Variants in SCML2 observed in about 807,000 individuals in gnomAD.
SCML2 encodes Scm polycomb group protein like 2.
In SCML2, 6 loss-of-function variants were observed where a neutral mutation model predicts 48.4. The observed-to-expected ratio is 0.12, with a 90% confidence interval of 0.07 to 0.24. The LOEUF (loss-of-function observed/expected upper bound fraction) is 0.24, where lower values mean the gene tolerates loss of function less well. Among genes scored for constraint, SCML2 ranks in the 10% least tolerant of loss-of-function variants. The probability of loss-of-function intolerance (pLI) is 1.00; values close to 1 mark genes in which losing one functional copy is unlikely to be tolerated. For synonymous variants in SCML2, 181 were observed against 189.5 expected (o/e 0.95, Z 0.37); for missense variants, 377 against 528.2 (o/e 0.71, Z 2.81).
At chrX:18,307,733 T>G (rs1944211503) in intron 6 of SCML2, among the ~76,000 whole-genome samples, 1 of 110,970 alleles carries the variant, frequency 9.0e-6, no homozygotes, top group Non-Finnish European at 1.9e-5. Context: ...CCCAGCACTT[T>G]GGAATGCCGA....
At chrX:18,299,118 T>C (rs1191671243) in intron 7 of SCML2, among the ~76,000 whole-genome samples, 1 of 111,671 alleles carries the variant, frequency 9.0e-6, no homozygotes, top group Non-Finnish European at 1.9e-5. Flanking sequence ...AACCCTTGAA[T>C]AGGAGAAAAT....
At chrX:18,243,142 T>C (rs1179659602) in intron 13 of SCML2, among the ~76,000 whole-genome samples, 1 of 111,697 alleles carries the variant, frequency 9.0e-6, no homozygotes, top group Non-Finnish European at 1.9e-5. Context: ...GGCACAATCA[T>C]GGCTCACTGC....
chrX:18,273,305 T>C (rs1453532398), intron 7 of SCML2, among the ~76,000 whole-genome samples: 1 of 111,323 alleles, frequency 9.0e-6, no homozygotes, highest in East Asian at 2.8e-4. Context: ...CTCAAGTGCA[T>C]GCATACTTGT....
rs747330113 is a variant in SCML2, at chrX:18,241,397, T to G, written c.1975-18A>C. On this transcript the variant is annotated intron_variant, in intron 14 of 14. Coordinates refer to ENST00000251900, the MANE Select transcript of SCML2 (RefSeq NM_006089.3). ...TCAATTTCCTACAGAGAGAAGGAAA[T>G]CATAATCATTAATAATGCTTTCATA... 9 of 1,107,258 alleles carry G rather than the reference T, an allele frequency of 8.1e-6. No individual in the cohort carries two copies. The highest frequency in any genetic ancestry group is 2.9e-5 in the Admixed American group (1 of 34,507). The allele number at this position is 1,107,258 out of a possible 1,213,427, so 91.3% of individuals were successfully genotyped here. A position where few individuals can be genotyped will look rare whatever the true frequency, so the allele number is the denominator to read the frequency against.
Position 18,246,743 on chromosome X carries a change from T to C in SCML2, c.1656A>G (p.Gly552=). 1.7e-6 allele frequency: 2 copies of C among 1,207,459 alleles called. No individual in the cohort carries two copies. The highest frequency in any genetic ancestry group is 2.2e-6 in the Non-Finnish European group (2 of 891,846). Residue 552 remains glycine (G), a synonymous_variant, in exon 13 of 15, where the codon GGA becomes GGG. Coordinates refer to ENST00000251900, the MANE Select transcript of SCML2 (RefSeq NM_006089.3). ...TTCTACAGGCAGGATTCAAATAATT[T>C]CCTGAATTTAGTGATGAGCTCTTAG... The part of the protein sequence containing the change: ...EDSKSSSLNS[G]NYLNPACRNP...
intron 2 of SCML2, among the ~76,000 whole-genome samples, chrX:18,332,065 C>T (rs1416306218): frequency 9.0e-6 from 1 of 111,727 alleles, no homozygotes; most frequent in Non-Finnish European, 1.9e-5. Context: ...ATGGCTATTG[C>T]CTAGATCCTT....
chrX:18,314,220 A>G (rs1411490119), intron 6 of SCML2, among the ~76,000 whole-genome samples: 3 of 111,529 alleles, frequency 2.7e-5, no homozygotes, highest in African/African-American at 9.8e-5. Context: ...TGTACTTGAG[A>G]CTGTTAACCA....
chrX:18,272,240 G>C (rs1927487033), intron 7 of SCML2, among the ~76,000 whole-genome samples: 1 of 112,105 alleles, frequency 8.9e-6, no homozygotes, highest in African/African-American at 3.2e-5. Context: ...TCAGATAAGA[G>C]TGACTTTACC....
Position 18,333,235 on chromosome X carries a change from C to T in SCML2, c.22+815G>A, listed in dbSNP as rs779008960. On this transcript the variant is annotated intron_variant, in intron 2 of 14. Coordinates refer to ENST00000251900, the MANE Select transcript of SCML2 (RefSeq NM_006089.3). ...GAGATTGCAATGAGCCATGATCGTG[C>T]CACTGCCCTCCAGCCTGGACAACAG... Among the ~76,000 whole-genome samples, 3 of 110,311 alleles carry T rather than the reference C, an allele frequency of 2.7e-5. 1 individual carries two copies. In the South Asian group the frequency reaches 1.2e-3, roughly 43 times the overall value.
chrX:18,325,598 T>C (rs939861147), intron 3 of SCML2, among the ~76,000 whole-genome samples: 3 of 111,764 alleles, frequency 2.7e-5, no homozygotes, highest in African/African-American at 9.8e-5. Flanking sequence ...TGACCTACAT[T>C]TTCTACAGAC....
At chrX:18,331,369 T>C (rs1262964575) in intron 2 of SCML2, among the ~76,000 whole-genome samples, 6 of 109,601 alleles carry the variant, frequency 5.5e-5, no homozygotes, top group African/African-American at 2.0e-4. Flanking sequence ...ACAGATGCTT[T>C]TGAGAGTTCA....
rs762322703 is a variant in SCML2 at position 18,277,455 on chromosome X, T to C, written c.731-11653A>G. The stretch of plus-strand genomic sequence containing the variant: ...TGTCTTTACAATTTTGTGAAGCAAG[T>C]GTTATCTCTATTTTAAATATGAATA... On this transcript the variant is annotated intron_variant, in intron 7 of 14. Coordinates refer to ENST00000251900, the MANE Select transcript of SCML2 (RefSeq NM_006089.3). 5.4e-4 allele frequency among the ~76,000 whole-genome samples: 60 copies of C among 111,940 alleles called. No individual in the cohort carries two copies. In the Middle Eastern group the frequency reaches 0.023, roughly 43 times the overall value.
intron 7 of SCML2, among the ~76,000 whole-genome samples, chrX:18,291,214 C>T (rs1442338274): frequency 2.7e-5 from 3 of 111,408 alleles, no homozygotes; most frequent in African/African-American, 9.8e-5. Context: ...GTACGGGTCT[C>T]GTGAGTAAAT....
chrX:18,296,978 C>T (rs746585830), intron 7 of SCML2, among the ~76,000 whole-genome samples: 9 of 111,220 alleles, frequency 8.1e-5, no homozygotes, highest in Non-Finnish European at 1.7e-4. Flanking sequence ...AATTTCCCTA[C>T]GAACATAGAT....
chrX:18,273,981 T>C (rs1258034778), intron 7 of SCML2, among the ~76,000 whole-genome samples: 2 of 111,065 alleles, frequency 1.8e-5, no homozygotes, highest in Non-Finnish European at 3.8e-5. Context: ...GCCACCTCCA[T>C]CAGCAATAAA....
chrX:18,300,967 G>T lies in SCML2; in HGVS notation c.730+4005C>A, dbSNP rs573679655. Among the ~76,000 whole-genome samples the T allele has an allele frequency of 1.0e-3, 112 of 110,983 alleles. 2 individuals are homozygous for T. The East Asian group carries it at 0.027, about 26-fold the overall frequency. On this transcript the variant is annotated intron_variant, in intron 7 of 14. Coordinates refer to ENST00000251900, the MANE Select transcript of SCML2 (RefSeq NM_006089.3). ...ATAGATAAAGCAGAAAGCAAACACTGAAAGAAATACAAGAAAAAACAAATC... is the reference window on the plus strand; with the variant it reads ...ATAGATAAAGCAGAAAGCAAACACTTAAAGAAATACAAGAAAAAACAAATC...
chrX:18,291,342 C>A lies in SCML2; in HGVS notation c.730+13630G>T, dbSNP rs761149446. 1.1e-4 allele frequency among the ~76,000 whole-genome samples: 12 copies of A among 111,975 alleles called. No individual in the cohort carries two copies. The Admixed American group carries it at 1.1e-3, about 11-fold the overall frequency. On this transcript the variant is annotated intron_variant, in intron 7 of 14. Coordinates refer to ENST00000251900, the MANE Select transcript of SCML2 (RefSeq NM_006089.3). ...AAGAGGGAAAAAGCCACACAGCTTG[C>A]TGAATTTTCTATCCAAGTAAGTTTC...
chrX:18,325,119 C>T (rs183383368), intron 3 of SCML2, 142 bp from the exon 4 acceptor site: 43 of 375,912 alleles, frequency 1.1e-4, no homozygotes, highest in African/African-American at 1.0e-3. Context: ...AGAGTAGATT[C>T]AAAAATCCTG....
At chrX:18,326,101 C>T (rs1040405004) in intron 3 of SCML2, among the ~76,000 whole-genome samples, 4 of 112,279 alleles carry the variant, frequency 3.6e-5, no homozygotes, top group African/African-American at 1.3e-4. Context: ...GGTAAAACCA[C>T]CAACCATGAA....
Sources: gnomAD v4.1 joint callset for allele counts (sites outside exome capture counted in the v4.1 genomes callset) on GRCh38, gnomAD v4.1.1 for gene constraint, MANE v1.5 for transcripts, NCBI Gene and HGNC (gene_info 2026-07-23, HGNC 2026-07-21) for gene names.